ZNF638: variants seen among roughly 807,000 people sequenced by gnomAD.
ZNF638 encodes zinc finger protein 638, also known as CTCL tumor antigen se33-1.
Under a neutral mutation model 195.6 loss-of-function variants are expected in ZNF638, and 46 were observed. That is an observed-to-expected ratio of 0.24 (90% CI 0.19 to 0.30). ZNF638 has a LOEUF of 0.30. Among genes scored for constraint, ZNF638 ranks in the 10% least tolerant of loss-of-function variants. The probability of loss-of-function intolerance (pLI) is 1.00; values close to 1 mark genes in which losing one functional copy is unlikely to be tolerated. For synonymous variants in ZNF638, 845 were observed against 772.0 expected, an observed-to-expected ratio of 1.09 and a Z score of -1.57; for missense variants, 2,440 against 2,325.3, an observed-to-expected ratio of 1.05 and a Z score of -1.01.
intron 8 of ZNF638, among the ~76,000 whole-genome samples, chr2:71,371,518 T>A (rs1418095074): frequency 1.3e-5 from 2 of 152,222 alleles, no homozygotes; most frequent in African/African-American, 4.8e-5. Flanking sequence ...TGTTTTTGCC[T>A]GTCTTTTGGA....
Position 71,348,897 on chromosome 2 carries a change from C to T in ZNF638, c.-58C>T. 1 of 1,614,034 alleles carries T rather than the reference C, an allele frequency of 6.2e-7. No individual in the cohort carries two copies. Among genetic ancestry groups the T allele is most frequent in the Non-Finnish European group, 8.5e-7 (1 of 1,179,998 alleles). ...CGCTTCAGCAGCTGAATGCCGTTGC[C>T]TCACATGGTTCAACACCACCTTATA... On this transcript the variant is annotated 5_prime_UTR_variant, in exon 2 of 28. Transcript: ENST00000264447.
chr2:71,395,613 A>G (rs1160521874), intron 10 of ZNF638: 5 of 560,838 alleles, frequency 8.9e-6, no homozygotes, highest in Admixed American at 2.2e-5. Context: ...GGGGGTGACA[A>G]TTACCTACAG....
At chr2:71,411,119 T>A (rs1350950857) in intron 20 of ZNF638, among the ~76,000 whole-genome samples, 6 of 150,438 alleles carry the variant, frequency 4.0e-5, no homozygotes, top group African/African-American at 1.5e-4. Context: ...TGCCTCAGCC[T>A]TCCGAGTAGC....
intron 1 of ZNF638, among the ~76,000 whole-genome samples, chr2:71,339,780 CTAGGGAAGATTTCTT>C (rs2078733636): frequency 6.6e-6 from 1 of 152,046 alleles, no homozygotes; most frequent in Non-Finnish European, 1.5e-5. Flanking sequence ...ACAAAAAATC[CTAGGGAAGATTTCTT>C]TGTTCCAGCT....
At chr2:71,368,764 C>T (rs2079251708) in intron 7 of ZNF638, among the ~76,000 whole-genome samples, 1 of 152,150 alleles carries the variant, frequency 6.6e-6, no homozygotes, top group South Asian at 2.1e-4. Context: ...TTTTATAAGC[C>T]ATCTGTAGGA....
At chr2:71,394,091 G>T (rs1006805161) in intron 10 of ZNF638, among the ~76,000 whole-genome samples, 5 of 152,184 alleles carry the variant, frequency 3.3e-5, no homozygotes, top group Non-Finnish European at 2.9e-5. Context: ...TGGTTGGGAG[G>T]TCTGTCACGG....
chr2:71,331,954 A>G, intron 1 of ZNF638, 79 bp downstream of exon 1: 1 of 982,068 alleles, frequency 1.0e-6, no homozygotes, highest in Non-Finnish European at 1.2e-6. Flanking sequence ...CCTTCCTGTG[A>G]GATCCGGGCC....
rs772986023 is a variant in ZNF638 at position 71,424,001 on chromosome 2, G to T, written c.4487G>T (p.Arg1496Ile). 6.2e-7 allele frequency: 1 copy of T among 1,614,010 alleles called. No homozygotes were observed. The highest frequency in any genetic ancestry group is 2.2e-5 in the East Asian group (1 of 44,884). The change falls in exon 22 of 28, where the codon AGA becomes ATA. Residue 1496 changes from arginine (R) to isoleucine (I), a missense_variant. By Grantham distance (97) the Arg-to-Ile change is moderately conservative. Around this residue, in one of 5 missense-constraint regions of ZNF638, gnomAD observed 1,883 missense variants for 1,739.1 expected, o/e 1.08. Coordinates refer to ENST00000264447, the MANE Select transcript of ZNF638 (RefSeq NM_014497.5). The stretch of plus-strand genomic sequence containing the variant: ...AAACAATCTCAGGAAACAGAGGCTA[G>T]ACCTTCCATCATGAAACGGGATGAC... ...ITKQSQETEA[R>I]PSIMKRDDSN...
At chr2:71,358,350 C>G (rs901537188) in intron 3 of ZNF638, among the ~76,000 whole-genome samples, 1 of 152,190 alleles carries the variant, frequency 6.6e-6, no homozygotes, top group African/African-American at 2.4e-5. Context: ...TTGGGGAGCA[C>G]CATTCAAGAA....
At chr2:71,400,226 C>A (rs1458983354) in intron 14 of ZNF638, 46 bp downstream of exon 14, 2 of 1,436,000 alleles carry the variant, frequency 1.4e-6, no homozygotes, top group South Asian at 1.2e-5. Context: ...ATTTTAATTA[C>A]CAATGCCATA....
In ZNF638 at chr2:71,434,816, A is replaced by G. The variant is rs141620069; in HGVS notation, c.*9A>G. On this transcript the variant is annotated 3_prime_UTR_variant, in exon 28 of 28. Transcript: ENST00000264447. ...AAAGAAGCTCTAGGTGATTGGGGGA[A>G]AGGAAAGAATTCACTAGAAATTTGT... is the stretch of plus-strand genomic sequence containing the variant. 7 of 1,593,890 alleles carry G rather than the reference A, an allele frequency of 4.4e-6. No individual in the cohort carries two copies. In the South Asian group the frequency reaches 6.9e-5, roughly 16 times the overall value.
At chr2:71,362,283 G>T (rs1467961261) in intron 3 of ZNF638, among the ~76,000 whole-genome samples, 3 of 151,758 alleles carry the variant, frequency 2.0e-5, no homozygotes, top group Non-Finnish European at 4.4e-5. Flanking sequence ...ACTTCATCTT[G>T]TGTTAGTCTC....
intron 10 of ZNF638, among the ~76,000 whole-genome samples, chr2:71,391,552 T>C (rs1214048376): frequency 6.6e-6 from 1 of 152,218 alleles, no homozygotes; most frequent in Non-Finnish European, 1.5e-5. Context: ...TTTATATGCC[T>C]CTGTCGTTAA....
chr2:71,393,344 G>C (rs1225110030), intron 10 of ZNF638: 1 of 708,796 alleles, frequency 1.4e-6, no homozygotes, highest in East Asian at 2.7e-5. Context: ...TAGTCCAAAT[G>C]AATTGCTAAC....
chr2:71,425,667 T>TTTA (rs537084670), intron 23 of ZNF638, among the ~76,000 whole-genome samples: 3 of 151,902 alleles, frequency 2.0e-5, no homozygotes, highest in Admixed American at 6.6e-5. Context: ...TTATATTTCT[T>TTTA]TTATTATTAT....
intron 10 of ZNF638, chr2:71,393,526 C>G (rs1260897057): frequency 2.8e-6 from 2 of 717,932 alleles, no homozygotes; most frequent in South Asian, 3.0e-5. Context: ...TCAGACGACA[C>G]AAGCCCCGGA....
Position 71,400,095 on chromosome 2 carries a change from C to T in ZNF638, c.2588-17C>T. On this transcript the variant is annotated splice_polypyrimidine_tract_variant and intron_variant, in intron 13 of 27. Transcript: ENST00000264447. ...TTAGTGTTTTACTAGACTATTAAAG[C>T]AGACTATTTCATGCAGAAAACTCTG... 2.5e-6 allele frequency: 4 copies of T among 1,587,870 alleles called. No individual in the cohort carries two copies. The highest frequency in any genetic ancestry group is 2.7e-5 in the African/African-American group (2 of 73,628).
chr2:71,341,210 ATGTTTCTGAAAGAATTT>A, intron 1 of ZNF638, among the ~76,000 whole-genome samples: 1 of 152,288 alleles, frequency 6.6e-6, no homozygotes, highest in East Asian at 1.9e-4. Context: ...AGTTTCTACT[ATGTTTCTGAAAGAATTT>A]TTATGGTTGA....
intron 10 of ZNF638, among the ~76,000 whole-genome samples, chr2:71,389,070 G>C (rs2079712383): frequency 6.6e-6 from 1 of 152,110 alleles, no homozygotes; most frequent in African/African-American, 2.4e-5. Context: ...GCTGTACACA[G>C]AAGATCCCAA....
Sources: gnomAD v4.1 joint callset for allele counts (sites outside exome capture counted in the v4.1 genomes callset) on GRCh38, gnomAD v4.1.1 for gene constraint, gnomAD v4.1.1 regional missense constraint, MANE v1.5 for transcripts, NCBI Gene and HGNC (gene_info 2026-07-23, HGNC 2026-07-21) for gene names.